CENPP: variants seen among roughly 807,000 people sequenced by gnomAD.
The protein encoded by CENPP is centromere protein P.
Under a neutral mutation model 35.6 loss-of-function variants are expected in CENPP, and 24 were observed. That is an observed-to-expected ratio of 0.67 (90% CI 0.49 to 0.95). CENPP has a LOEUF of 0.95. Ranked by LOEUF, CENPP falls within the 40% of genes least tolerant of loss-of-function variation. The pLI is 0.00. For missense variants in CENPP, 332 were observed against 345.3 expected (o/e 0.96, Z 0.31); for synonymous variants, 120 against 125.5 (o/e 0.96, Z 0.29).
chr9:92,619,857 A>C lies in CENPP; in HGVS notation c.*6708A>C. 4.4e-6 allele frequency: 2 copies of C among 450,348 alleles called. No homozygotes were observed. Among genetic ancestry groups the C allele is most frequent in the Non-Finnish European group, 8.2e-6 (2 of 242,674 alleles). 27.9% of individuals were successfully genotyped at this position (450,348 alleles called of 1,614,324 possible). On this transcript the variant is annotated 3_prime_UTR_variant, in exon 8 of 8. Transcript: ENST00000375587. The stretch of plus-strand genomic sequence containing the variant: ...ACCCTGAGACGGATGATCTGTCTTC[A>C]GCAAGGTCACCACAGTCGGCCTTTG...
At chr9:92,587,016 C>G (rs1850555921) in intron 5 of CENPP, among the ~76,000 whole-genome samples, 1 of 151,484 alleles carries the variant, frequency 6.6e-6, no homozygotes, top group African/African-American at 2.4e-5. Flanking sequence ...GGCGGGGGCA[C>G]ATGGGAATGA....
At chr9:92,526,141 T>TG (rs1435116486) in intron 5 of CENPP, among the ~76,000 whole-genome samples, 3 of 152,088 alleles carry the variant, frequency 2.0e-5, no homozygotes, top group African/African-American at 7.2e-5. Context: ...GACCTTCCAG[T>TG]GGGACAAGAT....
At chr9:92,595,430 G>A (rs989856952) in intron 5 of CENPP, among the ~76,000 whole-genome samples, 1 of 151,710 alleles carries the variant, frequency 6.6e-6, no homozygotes, top group Non-Finnish European at 1.5e-5. Flanking sequence ...TTGTGGAGAT[G>A]GGGATCTTAC....
At chr9:92,433,058 G>A (rs1347881257) in intron 5 of CENPP, among the ~76,000 whole-genome samples, 3 of 152,156 alleles carry the variant, frequency 2.0e-5, no homozygotes, top group Non-Finnish European at 4.4e-5. Context: ...TTTGGGGAGT[G>A]CCTTAGTTCA....
chr9:92,609,283 G>A (rs947062450), intron 5 of CENPP, among the ~76,000 whole-genome samples: 1 of 152,248 alleles, frequency 6.6e-6, no homozygotes, highest in South Asian at 2.1e-4. Flanking sequence ...ACTGGCAAGA[G>A]CTCAGCGATG....
rs937865941 is a variant in CENPP at position 92,325,965 on chromosome 9, G to C, written c.-34G>C. The C allele has an allele frequency of 5.9e-6, 9 of 1,525,362 alleles. No individual in the cohort carries two copies. Among genetic ancestry groups the C allele is most frequent in the Non-Finnish European group, 8.0e-6 (9 of 1,125,284 alleles). The allele number at this position is 1,525,362 out of a possible 1,614,324, so 94.5% of individuals were successfully genotyped here. A position where few individuals can be genotyped will look rare whatever the true frequency, so the allele number is the denominator to read the frequency against. On this transcript the variant is annotated 5_prime_UTR_variant, in exon 1 of 8. Transcript: ENST00000375587. Reference sequence around the variant, plus strand: ...AAGCGCGCAGGTCGGAGTGACAGCTGCGCTGCCGGCCCGGCTGCGGTCAGC... The same window carrying C: ...AAGCGCGCAGGTCGGAGTGACAGCTCCGCTGCCGGCCCGGCTGCGGTCAGC...
At chr9:92,488,336 C>T (rs1846108132) in intron 5 of CENPP, among the ~76,000 whole-genome samples, 1 of 152,128 alleles carries the variant, frequency 6.6e-6, no homozygotes, top group Non-Finnish European at 1.5e-5. Flanking sequence ...TTGATTTATC[C>T]TTCACTCTAG....
At chr9:92,339,836 A>G (rs1175426404) in intron 3 of CENPP, 3 of 153,722 alleles carry the variant, frequency 2.0e-5, no homozygotes, top group African/African-American at 7.2e-5. Context: ...CTTTTCCTTT[A>G]GGTGGCTCAG....
intron 5 of CENPP, chr9:92,600,316 A>G: frequency 6.7e-7 from 1 of 1,497,562 alleles, no homozygotes. Context: ...TCATGCTTGC[A>G]TTTGCTGTTT....
At chr9:92,532,013 A>ATTTTT (rs1368397928) in intron 5 of CENPP, among the ~76,000 whole-genome samples, 4 of 68,940 alleles carry the variant, frequency 5.8e-5, no homozygotes, top group South Asian at 3.4e-4. Flanking sequence ...TTTTTATTTA[A>ATTTTT]TGTTTTTTTT....
At chr9:92,488,876 T>C (rs533831976) in intron 5 of CENPP, among the ~76,000 whole-genome samples, 1 of 152,346 alleles carries the variant, frequency 6.6e-6, no homozygotes, top group South Asian at 2.1e-4. Flanking sequence ...TGTAATCACA[T>C]GTTATTTTTA....
intron 5 of CENPP, among the ~76,000 whole-genome samples, chr9:92,524,954 A>C (rs564609255): frequency 1.1e-4 from 17 of 152,308 alleles, no homozygotes; most frequent in South Asian, 1.0e-3. Context: ...AAGGAGAGGC[A>C]TTGAAGGATT....
chr9:92,431,720 G>A (rs550882697), intron 5 of CENPP, among the ~76,000 whole-genome samples: 48 of 151,916 alleles, frequency 3.2e-4, no homozygotes, highest in African/African-American at 1.1e-3. Context: ...GATTACAGGC[G>A]CCTGCCACCA....
chr9:92,422,279 C>T (rs1843830062), intron 5 of CENPP, among the ~76,000 whole-genome samples: 1 of 152,112 alleles, frequency 6.6e-6, no homozygotes, highest in Non-Finnish European at 1.5e-5. Context: ...GTCTCGAACT[C>T]CTGACCTCAG....
chr9:92,436,788 TG>T (rs2130995807), intron 5 of CENPP, among the ~76,000 whole-genome samples: 1 of 152,346 alleles, frequency 6.6e-6, no homozygotes, highest in East Asian at 1.9e-4. Context: ...ATAGTTATAT[TG>T]TAAGTCTTGA....
chr9:92,500,618 A>T, intron 5 of CENPP: 1 of 1,136,952 alleles, frequency 8.8e-7, no homozygotes, highest in Non-Finnish European at 1.2e-6. Flanking sequence ...ACCCCTTAGC[A>T]CCATTTTTTT....
chr9:92,419,697 A>G (rs1216999055), intron 5 of CENPP, among the ~76,000 whole-genome samples: 1 of 152,188 alleles, frequency 6.6e-6, no homozygotes, highest in African/African-American at 2.4e-5. Context: ...ACTGCTATCC[A>G]GATGAAATGA....
chr9:92,506,964 A>G (rs1452785166), intron 5 of CENPP, among the ~76,000 whole-genome samples: 1 of 152,006 alleles, frequency 6.6e-6, no homozygotes, highest in Non-Finnish European at 1.5e-5. Flanking sequence ...CTGGAGTGCA[A>G]TAGCGTGGTC....
intron 5 of CENPP, among the ~76,000 whole-genome samples, chr9:92,506,742 G>A (rs189057451): frequency 1.3e-5 from 2 of 152,256 alleles, no homozygotes; most frequent in Non-Finnish European, 1.5e-5. Flanking sequence ...AGAAGTAGGA[G>A]GAACTTCCAA....
Sources: gnomAD v4.1 joint callset for allele counts (sites outside exome capture counted in the v4.1 genomes callset) on GRCh38, gnomAD v4.1.1 for gene constraint, MANE v1.5 for transcripts, NCBI Gene and HGNC (gene_info 2026-07-23, HGNC 2026-07-21) for gene names.